SDCBP: variants seen among roughly 807,000 people sequenced by gnomAD.
SDCBP encodes syndecan binding protein, also known as syntenin-1.
A neutral mutation model predicts 30.5 loss-of-function variants in SDCBP; 22 were observed. The observed-to-expected ratio is 0.72, with a 90% CI of 0.52 to 1.03. The LOEUF (loss-of-function observed/expected upper bound fraction) is 1.03. SDCBP is among the 50% of genes least tolerant of loss of function. SDCBP has a pLI of 0.00. For synonymous variants in SDCBP, 103 were observed against 118.7 expected (o/e 0.87, Z 0.86); for missense variants, 304 against 369.9 (o/e 0.82, Z 1.46).
chr8:58,581,939 G>T lies in SDCBP; in HGVS notation c.*199G>T. ...TTCAAAATAGTTGTAGCCTTATCCT[G>T]GTTTTACAGATGTGAAACTTTCAAG... On this transcript the variant is annotated 3_prime_UTR_variant, in exon 9 of 9. Transcript: ENST00000260130. 2 of 512,924 alleles carry T rather than the reference G, an allele frequency of 3.9e-6. No individual in the cohort carries two copies. The highest frequency in any genetic ancestry group is 2.6e-5 in the South Asian group (1 of 38,276). The allele number at this position is 512,924 out of a possible 1,614,324, so 31.8% of individuals were successfully genotyped here.
At chr8:58,554,633 A>T (rs1803999015) in intron 1 of SDCBP, among the ~76,000 whole-genome samples, 1 of 152,204 alleles carries the variant, frequency 6.6e-6, no homozygotes, top group Admixed American at 6.5e-5. Flanking sequence ...AAAGGGGAAG[A>T]ATTTGCTAAT....
chr8:58,565,785 T>C (rs1804676462), intron 2 of SDCBP, among the ~76,000 whole-genome samples: 1 of 152,102 alleles, frequency 6.6e-6, no homozygotes, highest in Non-Finnish European at 1.5e-5. Context: ...GGGTAATTTG[T>C]AGTATATGAT....
At chr8:58,561,096 T>A (rs1342641650) in intron 1 of SDCBP, 4 of 152,254 alleles carry the variant, frequency 2.6e-5, no homozygotes, top group Non-Finnish European at 4.4e-5. Flanking sequence ...ATTGAAAGAT[T>A]TACTAGAGGA....
Position 58,565,021 on chromosome 8 carries a change from G to A in SDCBP, c.-13G>A. 1.3e-6 allele frequency: 2 copies of A among 1,573,272 alleles called. No homozygotes were observed. Among genetic ancestry groups the A allele is most frequent in the Non-Finnish European group, 1.7e-6 (2 of 1,151,310 alleles). Reference sequence around the variant, plus strand: ...TAAAACTTTCTTTTTTTCTTTAGAAGAATCCTGCAAAAATGTCTCTCTATC... The same window carrying A: ...TAAAACTTTCTTTTTTTCTTTAGAAAAATCCTGCAAAAATGTCTCTCTATC... On this transcript the variant is annotated splice_region_variant and 5_prime_UTR_variant, in exon 2 of 9. Coordinates refer to ENST00000260130, the MANE Select transcript of SDCBP (RefSeq NM_005625.4).
At chr8:58,554,000 G>A (rs899457844) in intron 1 of SDCBP, among the ~76,000 whole-genome samples, 1 of 152,134 alleles carries the variant, frequency 6.6e-6, no homozygotes, top group Middle Eastern at 3.2e-3. Flanking sequence ...TTCCTTTCAG[G>A]ATTTCCTTGT....
rs1209637412 is a variant in SDCBP, at chr8:58,582,445, G to A, written c.*705G>A. ...CTGAAATGTACACTAGCCCAGAACA[G>A]TTTAATGGTACTTACTGAGCTATAG... On this transcript the variant is annotated 3_prime_UTR_variant, in exon 9 of 9. Transcript: ENST00000260130. The A allele has an allele frequency of 6.6e-6, 1 of 152,616 alleles. No individual in the cohort carries two copies. Among genetic ancestry groups the A allele is most frequent in the Non-Finnish European group, 1.5e-5 (1 of 68,048 alleles). 9.5% of individuals were successfully genotyped at this position (152,616 alleles called of 1,614,324 possible). A position where few individuals can be genotyped will look rare whatever the true frequency, so the allele number is the denominator to read the frequency against.
At chr8:58,553,555 CGGGCTG>C (rs569760705) in intron 1 of SDCBP, among the ~76,000 whole-genome samples, 10 of 147,714 alleles carry the variant, frequency 6.8e-5, no homozygotes, top group Non-Finnish European at 7.5e-5. Context: ...GGTTCCTGCC[CGGGCTG>C]GGGCTGGGGC....
intron 3 of SDCBP, among the ~76,000 whole-genome samples, chr8:58,571,814 TGA>T (rs1805046451): frequency 6.6e-6 from 1 of 152,206 alleles, no homozygotes; most frequent in Non-Finnish European, 1.5e-5. Flanking sequence ...ATAAAGTAGC[TGA>T]CTTGACAAAT....
chr8:58,562,823 T>A (rs1475793246), intron 1 of SDCBP, among the ~76,000 whole-genome samples: 2 of 152,178 alleles, frequency 1.3e-5, no homozygotes, highest in African/African-American at 4.8e-5. Flanking sequence ...AGAAGAAATA[T>A]AGATTCAAAT....
chr8:58,572,152 T>C (rs918851846), intron 3 of SDCBP, 53 bp from the exon 4 acceptor site: 1 of 1,078,924 alleles, frequency 9.3e-7, no homozygotes, highest in East Asian at 2.4e-5. Flanking sequence ...TGAGAGAAGT[T>C]TTCATTTTGT....
At chr8:58,562,356 G>A (rs1257399005) in intron 1 of SDCBP, among the ~76,000 whole-genome samples, 1 of 152,096 alleles carries the variant, frequency 6.6e-6, no homozygotes, top group Non-Finnish European at 1.5e-5. Flanking sequence ...TTCTAAAACT[G>A]ATACTGAATT....
intron 1 of SDCBP, chr8:58,560,916 A>G (rs1459338855): frequency 6.6e-6 from 1 of 152,242 alleles, no homozygotes; most frequent in East Asian, 1.9e-4. Context: ...TACTTTAAGG[A>G]AACACAGATA....
intron 2 of SDCBP, among the ~76,000 whole-genome samples, chr8:58,568,589 CTTT>C (rs1804837927): frequency 6.6e-6 from 1 of 152,102 alleles, no homozygotes; most frequent in Admixed American, 6.5e-5. Context: ...AGATGCTATA[CTTT>C]TTTATATATG....
At chr8:58,577,160 G>A (rs1805386224) in intron 5 of SDCBP, among the ~76,000 whole-genome samples, 1 of 152,228 alleles carries the variant, frequency 6.6e-6, no homozygotes, top group Admixed American at 6.5e-5. Flanking sequence ...CAGTGGATTT[G>A]TTCACTTGGC....
chr8:58,564,919 G>T, intron 1 of SDCBP, 100 bp from the exon 2 acceptor site: 1 of 599,266 alleles, frequency 1.7e-6, no homozygotes, highest in Non-Finnish European at 2.9e-6. Context: ...GTTTTTTATT[G>T]AGTTAAATAG....
intron 1 of SDCBP, among the ~76,000 whole-genome samples, chr8:58,556,868 ATAATAC>A (rs1168476380): frequency 8.1e-6 from 1 of 123,708 alleles, no homozygotes; most frequent in African/African-American, 2.9e-5. Context: ...TATAACATAT[ATAATAC>A]ATATATATTA....
In SDCBP at chr8:58,581,769, A is replaced by G. The variant is rs563050111; in HGVS notation, c.*29A>G. On this transcript the variant is annotated 3_prime_UTR_variant, in exon 9 of 9. Transcript: ENST00000260130. ...TCACGGCACCATGGAAATGTAGCTG[A>G]ACGTCTCCAGTTTCCTTCTTTGGCA... 47 of 1,598,580 alleles carry G rather than the reference A, an allele frequency of 2.9e-5. No individual in the cohort carries two copies. The African/African-American group carries it at 6.0e-4, about 20-fold the overall frequency.
intron 1 of SDCBP, among the ~76,000 whole-genome samples, chr8:58,558,034 G>A (rs867972744): frequency 6.6e-6 from 1 of 152,070 alleles, no homozygotes; most frequent in African/African-American, 2.4e-5. Context: ...CTTGAAAAAG[G>A]GCTGTGTTTC....
At chr8:58,569,146 A>C (rs546295919) in intron 2 of SDCBP, among the ~76,000 whole-genome samples, 1 of 150,020 alleles carries the variant, frequency 6.7e-6, no homozygotes, top group Non-Finnish European at 1.5e-5. Context: ...GGTTCAAGCA[A>C]TTCTCCCTGC....
Sources: allele counts gnomAD v4.1 joint callset (sites outside exome capture counted in the v4.1 genomes callset), GRCh38; gene constraint gnomAD v4.1.1; transcripts MANE v1.5; gene names NCBI Gene and HGNC (gene_info 2026-07-23, HGNC 2026-07-21).